The following PARG variants were observed in gnomAD, a reference collection of about 807,000 sequenced individuals.
PARG encodes mitochondrial poly(ADP-ribose) glycohydrolase.
A neutral mutation model predicts 113.0 loss-of-function variants in PARG; 35 were observed. That is an observed-to-expected ratio of 0.31 (90% confidence interval 0.24 to 0.41). PARG has a LOEUF of 0.41. Ranked by LOEUF, PARG falls within the 10% of genes least tolerant of loss-of-function variation. The probability of loss-of-function intolerance (pLI) is 1.00; values close to 1 mark genes in which losing one functional copy is unlikely to be tolerated. For synonymous variants in PARG, 330 were observed against 409.9 expected (o/e 0.81, Z 2.36); for missense variants, 797 against 1,169.4 (o/e 0.68, Z 4.64).
chr10:49,838,688 G>T (rs930951604), intron 15 of PARG, among the ~76,000 whole-genome samples: 4 of 151,674 alleles, frequency 2.6e-5, no homozygotes, highest in African/African-American at 9.7e-5. Flanking sequence ...TTAATGGCAA[G>T]AATTACTTTT....
chr10:49,842,641 A>G (rs782175618), intron 14 of PARG, among the ~76,000 whole-genome samples: 2 of 152,248 alleles, frequency 1.3e-5, no homozygotes, highest in Non-Finnish European at 2.9e-5. Context: ...GCCTGTGGAA[A>G]TAGAAAGGAC....
rs373833868 is a variant in PARG, at chr10:49,915,765, T to C, written c.1737+152A>G. Among the ~76,000 whole-genome samples the C allele has an allele frequency of 1.0e-3, 158 of 152,264 alleles. 3 individuals carry two copies. In the South Asian group the frequency reaches 0.03, roughly 29 times the overall value. ...AACAAAATTCAATATTAACTCCTAA[T>C]TGTATTTACCTAAAACATACATATA... On this transcript the variant is annotated intron_variant, in intron 7 of 17. Coordinates refer to ENST00000616448, the MANE Select transcript of PARG (RefSeq NM_003631.5).
At chr10:49,904,242 C>A (rs2664477) in intron 7 of PARG, among the ~76,000 whole-genome samples, 1 of 152,050 alleles carries the variant, frequency 6.6e-6, no homozygotes, top group African/African-American at 2.4e-5. Context: ...GGTGACAAGG[C>A]TAGTTTTAGG....
intron 7 of PARG, among the ~76,000 whole-genome samples, chr10:49,890,155 T>C (rs1847697609): frequency 6.6e-6 from 1 of 152,166 alleles, no homozygotes; most frequent in Non-Finnish European, 1.5e-5. Context: ...ATTTACATGA[T>C]GGTAAAAAAA....
At chr10:49,894,320 G>GC (rs1847969887) in intron 7 of PARG, among the ~76,000 whole-genome samples, 1 of 151,974 alleles carries the variant, frequency 6.6e-6, no homozygotes, top group Non-Finnish European at 1.5e-5. Flanking sequence ...GGGATAACAG[G>GC]CATGAGCCAA....
intron 8 of PARG, 64 bp downstream of exon 8, chr10:49,885,139 C>T (rs1431151223): frequency 3.7e-5 from 32 of 865,316 alleles, no homozygotes; most frequent in African/African-American, 9.9e-5. Flanking sequence ...CCTGGCCATT[C>T]GAGTTTAAGG....
At chr10:49,895,348 T>C (rs1211729942) in intron 7 of PARG, among the ~76,000 whole-genome samples, 3 of 152,194 alleles carry the variant, frequency 2.0e-5, no homozygotes, top group African/African-American at 4.8e-5. Flanking sequence ...CAGCTTTGCA[T>C]TTTCTACAAA....
chr10:49,838,812 T>C (rs1450293250), intron 15 of PARG, among the ~76,000 whole-genome samples: 1 of 152,134 alleles, frequency 6.6e-6, no homozygotes, highest in East Asian at 1.9e-4. Flanking sequence ...TAATTGCAGG[T>C]TGAAAATGAA....
intron 15 of PARG, among the ~76,000 whole-genome samples, chr10:49,838,431 C>T (rs1170130160): frequency 2.5e-5 from 1 of 40,294 alleles, no homozygotes; most frequent in Non-Finnish European, 4.2e-5. Flanking sequence ...AACTCCGTCT[C>T]AAAAAAAAAA....
At chr10:49,917,885 G>T (rs1837593342) in intron 6 of PARG, among the ~76,000 whole-genome samples, 1 of 151,098 alleles carries the variant, frequency 6.6e-6, no homozygotes, top group Non-Finnish European at 1.5e-5. Flanking sequence ...CCAATCACTG[G>T]TATCTAATTT....
rs1284410666 is a variant in PARG, at chr10:49,938,704, T to C, written c.217+2805A>G. ...CTCTTGCCTTAGCCTCCCAAGTAGC[T>C]GGGACTACAGGTGCATGCCCAGCAA... On this transcript the variant is annotated intron_variant, in intron 1 of 17. Coordinates refer to ENST00000616448, the MANE Select transcript of PARG (RefSeq NM_003631.5). Among the ~76,000 whole-genome samples, 3 of 152,054 alleles carry C rather than the reference T, an allele frequency of 2.0e-5. No individual in the cohort carries two copies. In the East Asian group the frequency reaches 5.8e-4, roughly 29 times the overall value.
At chr10:49,843,283 T>C (rs17719866) in intron 14 of PARG, among the ~76,000 whole-genome samples, 28,943 of 152,238 alleles carry the variant, frequency 0.19, 3,296 homozygotes, top group Non-Finnish European at 0.27. Flanking sequence ...CGGTTTCTGA[T>C]TGTAGCTCAG....
chr10:49,899,864 C>A (rs1300850597), intron 7 of PARG, among the ~76,000 whole-genome samples: 7 of 152,152 alleles, frequency 4.6e-5, no homozygotes, highest in Non-Finnish European at 1.0e-4. Flanking sequence ...TGACTCAAAT[C>A]TGGGAAATAC....
chr10:49,911,055 G>T (rs1564650407), intron 7 of PARG, among the ~76,000 whole-genome samples: 1 of 152,154 alleles, frequency 6.6e-6, no homozygotes, highest in Non-Finnish European at 1.5e-5. Context: ...GGCCAAGGTG[G>T]GTGGATCACC....
intron 6 of PARG, among the ~76,000 whole-genome samples, 188 bp downstream of exon 6, chr10:49,922,148 C>A (rs1380772444): frequency 1.3e-5 from 2 of 152,186 alleles, no homozygotes; most frequent in African/African-American, 2.4e-5. Context: ...TGGCTCCAGG[C>A]AAGGCATTTG....
intron 15 of PARG, among the ~76,000 whole-genome samples, chr10:49,841,664 T>C (rs1845244219): frequency 6.6e-6 from 1 of 152,162 alleles, no homozygotes; most frequent in South Asian, 2.1e-4. Flanking sequence ...TTCTATATGG[T>C]TTTACATTGA....
At chr10:49,909,410 A>G (rs1404537684) in intron 7 of PARG, among the ~76,000 whole-genome samples, 1 of 152,098 alleles carries the variant, frequency 6.6e-6, no homozygotes, top group Non-Finnish European at 1.5e-5. Flanking sequence ...TGCTCTGTCA[A>G]TACATTATCA....
At position 49,941,414 on chromosome 10, in the gene PARG, A is replaced by G; in HGVS notation, c.217+95T>C. On this transcript the variant is annotated intron_variant, in intron 1 of 17. Coordinates refer to ENST00000616448, the MANE Select transcript of PARG (RefSeq NM_003631.5). ...CCTCAAGAGTGACGATGCACACAAG[A>G]CCAGAAAGGAGTGACTGGAGCCCCT... 5.1e-6 allele frequency: 5 copies of G among 976,998 alleles called. No individual in the cohort carries two copies. The South Asian group carries it at 7.0e-5, about 14-fold the overall frequency. The allele number at this position is 976,998 out of a possible 1,614,324, so 60.5% of individuals were successfully genotyped here.
At chr10:49,891,096 C>T (rs1564635459) in intron 7 of PARG, among the ~76,000 whole-genome samples, 1 of 152,224 alleles carries the variant, frequency 6.6e-6, no homozygotes, top group Non-Finnish European at 1.5e-5. Context: ...AGGCAAATCA[C>T]CAGGTCAGGA....
Sources: gnomAD v4.1 joint callset for allele counts (sites outside exome capture counted in the v4.1 genomes callset) on GRCh38, gnomAD v4.1.1 for gene constraint, MANE v1.5 for transcripts, NCBI Gene and HGNC (gene_info 2026-07-23, HGNC 2026-07-21) for gene names.